PDE2A: variants seen among roughly 807,000 people sequenced by gnomAD.
PDE2A encodes cGMP-dependent 3',5'-cyclic phosphodiesterase.
Under a neutral mutation model 133.6 loss-of-function variants are expected in PDE2A, and 53 were observed. That is an observed-to-expected ratio of 0.40 (90% CI 0.32 to 0.50). The LOEUF is 0.50. PDE2A is among the 20% of genes least tolerant of loss of function. The pLI, the probability that PDE2A is intolerant of heterozygous loss-of-function variation, is 0.73. For missense variants in PDE2A, 796 were observed against 1,232.4 expected (o/e 0.65, Z 5.30); for synonymous variants, 491 against 490.2 (o/e 1.00, Z -0.02).
At chr11:72,596,355 C>A (rs954637946) in intron 6 of PDE2A, among the ~76,000 whole-genome samples, 3 of 152,124 alleles carry the variant, frequency 2.0e-5, no homozygotes, top group African/African-American at 7.2e-5. Context: ...CTTCATCCTA[C>A]CTATTCGAGG....
intron 1 of PDE2A, among the ~76,000 whole-genome samples, chr11:72,654,998 G>A (rs1477974501): frequency 6.6e-6 from 1 of 152,166 alleles, no homozygotes; most frequent in Non-Finnish European, 1.5e-5. Context: ...GGAACTGGGA[G>A]TTTGATTCTC....
chr11:72,589,938 A>C lies in PDE2A; in HGVS notation c.800T>G (p.Val267Gly), dbSNP rs1175905041. The change falls in exon 10 of 31, where the codon GTG (valine) becomes GGG (glycine). Residue 267 changes from valine to glycine, a missense_variant. By Grantham distance (109) the Val-to-Gly change is moderately radical. Transcript: ENST00000334456. ...AGAAAGCTGGAGATTGTCCTCCGAC[A>C]CCAGCAGGAGGCAGCAGCGGGATGC... ...TRASRCCLLL[V>G]SEDNLQLSCK... 2.5e-6 allele frequency: 4 copies of C among 1,613,128 alleles called. No individual in the cohort carries two copies. The African/African-American group carries it at 4.0e-5, about 16-fold the overall frequency.
intron 3 of PDE2A, among the ~76,000 whole-genome samples, chr11:72,606,094 G>T (rs1856958586): frequency 6.6e-6 from 1 of 151,866 alleles, no homozygotes; most frequent in African/African-American, 2.4e-5. Context: ...CTCCCCAAGG[G>T]CCCAGAGCAG....
Position 72,578,434 on chromosome 11 carries a change from C to T in PDE2A, c.2508+42G>A. The T allele has an allele frequency of 6.3e-7, 1 of 1,594,880 alleles. No homozygotes were observed. ...AGCCCTCCCTGTCCCAGGCCAGGAA[C>T]CCTCCCCCATCCTGGACATCCTGGG... On this transcript the variant is annotated intron_variant, in intron 29 of 30. Transcript: ENST00000334456. The surrounding 1 kb of genome is among the most constrained non-coding windows in gnomAD (Gnocchi z 4.2).
intron 2 of PDE2A, among the ~76,000 whole-genome samples, chr11:72,640,733 G>A (rs1052049449): frequency 6.6e-6 from 1 of 152,082 alleles, no homozygotes; most frequent in Non-Finnish European, 1.5e-5. Context: ...ACACACAACA[G>A]CCAGTAACAC....
chr11:72,631,085 C>T lies in PDE2A; in HGVS notation c.144+11169G>A, dbSNP rs770464626. On this transcript the variant is annotated intron_variant, in intron 2 of 30. Transcript: ENST00000334456. ...CCTCCACTGAGCTCTCACCTCCAGT[C>T]GGTCGTCTCTACTCCCTGGGGGTCC... 2.3e-5 allele frequency: 36 copies of T among 1,546,644 alleles called. No individual in the cohort carries two copies. In the Admixed American group the frequency reaches 2.9e-4, roughly 13 times the overall value.
At chr11:72,612,073 G>A (rs371123474) in intron 2 of PDE2A, among the ~76,000 whole-genome samples, 12 of 152,068 alleles carry the variant, frequency 7.9e-5, no homozygotes, top group African/African-American at 2.7e-4. Flanking sequence ...GATCTTAAAA[G>A]GAAGAGGAAA....
At chr11:72,664,534 C>T (rs781220357) in intron 1 of PDE2A, among the ~76,000 whole-genome samples, 28 of 150,906 alleles carry the variant, frequency 1.9e-4, no homozygotes, top group African/African-American at 3.4e-4. Flanking sequence ...CCACCACGCC[C>T]GGTTAATTTT....
chr11:72,584,377 C>T, intron 18 of PDE2A, 64 bp from the exon 19 acceptor site: 1 of 1,280,628 alleles, frequency 7.8e-7, no homozygotes, highest in Non-Finnish European at 1.1e-6. Context: ...GGGAGGGATC[C>T]GGCCGGGACC....
At chr11:72,660,913 G>A in intron 1 of PDE2A, among the ~76,000 whole-genome samples, 1 of 152,090 alleles carries the variant, frequency 6.6e-6, no homozygotes, top group East Asian at 1.9e-4. Flanking sequence ...GGAGGGAACT[G>A]GGTCAGGGAG....
At chr11:72,666,099 T>C (rs1855226395) in intron 1 of PDE2A, among the ~76,000 whole-genome samples, 1 of 152,018 alleles carries the variant, frequency 6.6e-6, no homozygotes, top group Non-Finnish European at 1.5e-5. Context: ...GGTAAAAACT[T>C]CAAAGGCAGC....
intron 7 of PDE2A, 28 bp downstream of exon 7, chr11:72,591,269 C>T: frequency 6.3e-7 from 1 of 1,589,318 alleles, no homozygotes; most frequent in East Asian, 2.2e-5. Flanking sequence ...TCTTCAGCCT[C>T]ATTGCACATG....
rs1011559583 is a variant in PDE2A at position 72,581,860 on chromosome 11, T to C, written c.1922+17A>G. The C allele has an allele frequency of 6.2e-7, 1 of 1,612,604 alleles. No homozygotes were observed. Among genetic ancestry groups the C allele is most frequent in the African/African-American group, 1.3e-5 (1 of 74,980 alleles). On this transcript the variant is annotated intron_variant, in intron 22 of 30. Transcript: ENST00000334456. ...AAGAGGGAGGCGAAGACTGGGGCTG[T>C]CTGTGGGCGCACGAACCGGGCCAGG...
intron 2 of PDE2A, 85 bp downstream of exon 2, chr11:72,642,169 G>C (rs760061252): frequency 5.3e-5 from 72 of 1,349,870 alleles, no homozygotes; most frequent in Non-Finnish European, 6.7e-5. Context: ...TCTCCTCCCT[G>C]AGAAGGGTTC....
intron 6 of PDE2A, among the ~76,000 whole-genome samples, chr11:72,592,556 G>T (rs1856299208): frequency 6.6e-6 from 1 of 152,202 alleles, no homozygotes; most frequent in Admixed American, 6.5e-5. Context: ...TCCTGAATTG[G>T]CATGGGGAGG....
In PDE2A at chr11:72,577,555, G is replaced by A. The variant is rs1980091; in HGVS notation, c.2655C>T (p.Tyr885=). Residue 885 remains tyrosine (Y), a synonymous_variant, in exon 31 of 31, where the codon TAC becomes TAT. Transcript: ENST00000334456. ...QDLFPKAAEL[Y]ERVASNREHW... is the part of the protein sequence containing the mutation. ...GCTCACGGTTGGAGGCCACGCGCTC[G>A]TACAGCTCTGCCGCTTTGGGGAACA... 0.3 allele frequency: 489,776 copies of A among 1,607,156 alleles called. 75,410 individuals are homozygous for A. Among genetic ancestry groups the A allele is most frequent in the South Asian group, 0.35 (31,852 of 91,062 alleles).
At chr11:72,662,021 GT>G (rs1223232470) in intron 1 of PDE2A, among the ~76,000 whole-genome samples, 2 of 152,044 alleles carry the variant, frequency 1.3e-5, no homozygotes, top group Non-Finnish European at 2.9e-5. Context: ...GTGTTATTGG[GT>G]TTTTCCTCTT....
chr11:72,624,129 T>C (rs1857928010), intron 2 of PDE2A, among the ~76,000 whole-genome samples: 1 of 151,956 alleles, frequency 6.6e-6, no homozygotes, highest in South Asian at 2.1e-4. Flanking sequence ...GCAGCTGAGA[T>C]TACAGGCGCC....
chr11:72,639,386 G>C (rs1392009362), intron 2 of PDE2A, among the ~76,000 whole-genome samples: 1 of 152,196 alleles, frequency 6.6e-6, no homozygotes, highest in Non-Finnish European at 1.5e-5. Flanking sequence ...AGAAGTGAGT[G>C]CTTGGCTGCT....
Sources: allele counts gnomAD v4.1 joint callset (sites outside exome capture counted in the v4.1 genomes callset), GRCh38; gene constraint gnomAD v4.1.1; non-coding constraint Gnocchi (gnomAD v3.1); transcripts MANE v1.5; gene names NCBI Gene and HGNC (gene_info 2026-07-23, HGNC 2026-07-21).